Variants in AK5 observed in about 807,000 individuals in gnomAD.
AK5 encodes the protein adenylate kinase 5, also known as adenylate kinase isoenzyme 5.
In AK5, 27 loss-of-function variants were observed where a neutral mutation model predicts 69.5. The observed-to-expected ratio is 0.39, with a 90% CI of 0.29 to 0.54. The LOEUF (loss-of-function observed/expected upper bound fraction) is 0.54. Among genes scored for constraint, AK5 ranks in the 20% least tolerant of loss-of-function variants. AK5 has a pLI of 0.71. For missense variants in AK5, 531 were observed against 700.4 expected (o/e 0.76, Z 2.73); for synonymous variants, 260 against 244.4 (o/e 1.06, Z -0.60).
intron 8 of AK5, among the ~76,000 whole-genome samples, chr1:77,432,244 A>G (rs1164682416): frequency 6.6e-6 from 1 of 152,172 alleles, no homozygotes; most frequent in Non-Finnish European, 1.5e-5. Context: ...TGGTGCCAGG[A>G]TGTGTCCCAG....
At chr1:77,307,472 C>T (rs1659707915) in intron 5 of AK5, among the ~76,000 whole-genome samples, 1 of 151,818 alleles carries the variant, frequency 6.6e-6, no homozygotes, top group African/African-American at 2.4e-5. Context: ...AGAGAAGATG[C>T]TTGATCTTAT....
chr1:77,411,501 CCCT>C (rs1486447432), intron 7 of AK5, among the ~76,000 whole-genome samples: 17 of 152,246 alleles, frequency 1.1e-4, no homozygotes, highest in African/African-American at 3.8e-4. Flanking sequence ...TCCTGTGTGA[CCCT>C]ACCTCTTCTC....
intron 7 of AK5, 103 bp downstream of exon 7, chr1:77,411,174 G>T: frequency 1.1e-6 from 1 of 910,548 alleles, no homozygotes; most frequent in Non-Finnish European, 1.7e-6. Flanking sequence ...TGCAAGTTTT[G>T]AAGGATGACA....
At position 77,464,671 on chromosome 1, in the gene AK5, CAGAA is replaced by C. The variant is rs138996063; in HGVS notation, c.1060-18642_1060-18639del. On this transcript the variant is annotated intron_variant, in intron 8 of 13. Transcript: ENST00000354567. ...GCCTACGGGATAGGCTGGCCCAGAT[CAGAA>C]AGAGTTTTGCATACTACAGTAGTGT... 1.5e-3 allele frequency among the ~76,000 whole-genome samples: 228 copies of C among 152,210 alleles called. 4 individuals carry two copies. The East Asian group carries it at 0.04, about 27-fold the overall frequency.
chr1:77,534,556 A>G (rs142214901), intron 12 of AK5, among the ~76,000 whole-genome samples: 4 of 152,320 alleles, frequency 2.6e-5, no homozygotes, highest in African/African-American at 7.2e-5. Flanking sequence ...ATTTAATTTT[A>G]TTTCATCCTC....
chr1:77,509,952 T>A (rs1657247349), intron 10 of AK5, among the ~76,000 whole-genome samples: 1 of 152,242 alleles, frequency 6.6e-6, no homozygotes. Context: ...TATTTTGTCC[T>A]CACAACCAAC....
intron 8 of AK5, among the ~76,000 whole-genome samples, chr1:77,469,195 C>T (rs190000609): frequency 2.0e-5 from 3 of 152,292 alleles, no homozygotes; most frequent in Non-Finnish European, 2.9e-5. Flanking sequence ...TTGATCTCAG[C>T]TCACTCACAC....
intron 8 of AK5, among the ~76,000 whole-genome samples, chr1:77,478,491 C>T (rs1248947251): frequency 3.9e-5 from 6 of 152,186 alleles, no homozygotes; most frequent in Non-Finnish European, 8.8e-5. Flanking sequence ...GTGACTTGCT[C>T]CTCCTTCTCT....
At position 77,344,123 on chromosome 1, in the gene AK5, T is replaced by C. The variant is rs77892602; in HGVS notation, c.891+3555T>C. ...CTCATTGACTATATCTGTTGGCATA[T>C]TTGACTAGAGAACAAACCCAGTTTG... On this transcript the variant is annotated intron_variant, in intron 6 of 13. Transcript: ENST00000354567. 5.9e-5 allele frequency among the ~76,000 whole-genome samples: 9 copies of C among 152,322 alleles called. No individual in the cohort carries two copies. The East Asian group carries it at 1.7e-3, about 29-fold the overall frequency.
chr1:77,532,860 T>C (rs1489922045), intron 12 of AK5, among the ~76,000 whole-genome samples: 2 of 152,134 alleles, frequency 1.3e-5, no homozygotes, highest in Non-Finnish European at 2.9e-5. Flanking sequence ...AAGGGCAGAG[T>C]TCTCTGCTCG....
chr1:77,499,338 A>T (rs1365629714), intron 10 of AK5, among the ~76,000 whole-genome samples: 1 of 152,170 alleles, frequency 6.6e-6, no homozygotes, highest in Non-Finnish European at 1.5e-5. Context: ...GTGACATGTT[A>T]CTGCGACTCA....
chr1:77,334,519 A>G (rs1232568755), intron 5 of AK5, among the ~76,000 whole-genome samples: 1 of 151,874 alleles, frequency 6.6e-6, no homozygotes, highest in Non-Finnish European at 1.5e-5. Flanking sequence ...TAGGTATTAT[A>G]TTTTCAAATA....
At position 77,282,203 on chromosome 1, in the gene AK5, G is replaced by A. The variant is rs557054752; in HGVS notation, c.-111G>A. 2 of 1,005,168 alleles carry A rather than the reference G, an allele frequency of 2.0e-6. No homozygotes were observed. Among genetic ancestry groups the A allele is most frequent in the South Asian group, 3.5e-5 (2 of 57,858 alleles). The allele number at this position is 1,005,168 out of a possible 1,614,324, so 62.3% of individuals were successfully genotyped here. A position where few individuals can be genotyped will look rare whatever the true frequency, so the allele number is the denominator to read the frequency against. On this transcript the variant is annotated 5_prime_UTR_variant, in exon 1 of 14. Coordinates refer to ENST00000354567, the MANE Select transcript of AK5 (RefSeq NM_174858.3). ...GAGCTGAGTGCGCGTGAGAAAGAGG[G>A]CTGCACCGCTGCTCGGCGCGGACTC... is the stretch of plus-strand genomic sequence containing the variant.
At chr1:77,457,543 A>G (rs1407725075) in intron 8 of AK5, among the ~76,000 whole-genome samples, 1 of 151,914 alleles carries the variant, frequency 6.6e-6, no homozygotes, top group African/African-American at 2.4e-5. Context: ...AATTTTCAAG[A>G]GCTCTTTCTT....
At chr1:77,335,717 G>C (rs1049189645) in intron 5 of AK5, among the ~76,000 whole-genome samples, 6 of 152,192 alleles carry the variant, frequency 3.9e-5, no homozygotes, top group Admixed American at 3.9e-4. Context: ...GGGTGGAGCA[G>C]TCAGCTGATT....
chr1:77,367,610 A>ATATATGTT lies in AK5; in HGVS notation c.891+27042_891+27043insTATATGTT, dbSNP rs1557532968. On this transcript the variant is annotated intron_variant, in intron 6 of 13. Coordinates refer to ENST00000354567, the MANE Select transcript of AK5 (RefSeq NM_174858.3). ...TATGTTATATATGTAATATATATGT[A>ATATATGTT]ATATATATGTTATATATGTAATATA... 1.9e-3 allele frequency among the ~76,000 whole-genome samples: 107 copies of ATATATGTT among 55,432 alleles called. 12 individuals carry two copies. Among genetic ancestry groups the ATATATGTT allele is most frequent in the Non-Finnish European group, 2.4e-3 (80 of 33,772 alleles). The allele number at this position is 55,432 out of a possible 152,430, so 36.4% of individuals were successfully genotyped here.
intron 6 of AK5, among the ~76,000 whole-genome samples, chr1:77,410,140 T>G (rs1318244386): frequency 2.0e-5 from 3 of 152,062 alleles, no homozygotes; most frequent in Non-Finnish European, 2.9e-5. Flanking sequence ...TATTTAAAAT[T>G]TTGTAAATTT....
intron 6 of AK5, among the ~76,000 whole-genome samples, chr1:77,358,218 G>T (rs1417669307): frequency 6.6e-6 from 1 of 151,956 alleles, no homozygotes; most frequent in Non-Finnish European, 1.5e-5. Context: ...CAGTATGATG[G>T]TTGAAATCAT....
intron 6 of AK5, among the ~76,000 whole-genome samples, chr1:77,367,949 T>TAC (rs1459835676): frequency 2.1e-5 from 2 of 94,846 alleles, no homozygotes; most frequent in Admixed American, 1.6e-4. Context: ...ATATATGTTA[T>TAC]ATATATATAT....
Sources: gnomAD v4.1 joint callset for allele counts (sites outside exome capture counted in the v4.1 genomes callset) on GRCh38, gnomAD v4.1.1 for gene constraint, MANE v1.5 for transcripts, NCBI Gene and HGNC (gene_info 2026-07-23, HGNC 2026-07-21) for gene names.